SLA: variants seen among roughly 807,000 people sequenced by gnomAD.
The protein encoded by SLA is Src like adaptor.
A neutral mutation model predicts 30.3 loss-of-function variants in SLA; 16 were observed. The ratio of observed to expected loss-of-function variants is 0.53; its 90% CI spans 0.36 to 0.80. The LOEUF is 0.80. Among genes scored for constraint, SLA ranks in the 30% least tolerant of loss-of-function variants. The pLI, the probability that SLA is intolerant of heterozygous loss-of-function variation, is 0.01. For synonymous variants in SLA, 143 were observed against 137.8 expected, an observed-to-expected ratio of 1.04 and a Z score of -0.26; for missense variants, 310 against 345.2, an observed-to-expected ratio of 0.90 and a Z score of 0.81.
chr8:133,074,436 T>C (rs984535991), intron 2 of SLA, among the ~76,000 whole-genome samples: 1 of 152,196 alleles, frequency 6.6e-6, no homozygotes, highest in African/African-American at 2.4e-5. Flanking sequence ...CACTTTGCCC[T>C]ATACCTGTGT....
intron 1 of SLA, among the ~76,000 whole-genome samples, chr8:133,091,648 G>A (rs755895932): frequency 2.0e-5 from 3 of 151,944 alleles, no homozygotes; most frequent in Non-Finnish European, 4.4e-5. Flanking sequence ...GTATCTTTGA[G>A]TATGTGTCTA....
chr8:133,043,219 G>A (rs141222812), intron 7 of SLA, among the ~76,000 whole-genome samples: 62 of 152,224 alleles, frequency 4.1e-4, no homozygotes, highest in Non-Finnish European at 6.3e-4. Context: ...GTCAAGCAGC[G>A]GCAGTTAGAT....
chr8:133,051,471 C>T (rs538087639), intron 3 of SLA, among the ~76,000 whole-genome samples: 1 of 152,160 alleles, frequency 6.6e-6, no homozygotes, highest in South Asian at 2.1e-4. Flanking sequence ...GACCATGAGG[C>T]AGTAACTCTG....
intron 3 of SLA, among the ~76,000 whole-genome samples, chr8:133,054,830 G>A (rs781282764): frequency 2.7e-4 from 41 of 152,166 alleles, no homozygotes; most frequent in Non-Finnish European, 5.3e-4. Flanking sequence ...CAGGCCTTAC[G>A]GGACTTAGTC....
chr8:133,060,420 T>C (rs1842206283), intron 2 of SLA: 3 of 1,483,894 alleles, frequency 2.0e-6, no homozygotes, highest in Non-Finnish European at 2.7e-6. Context: ...GAGAGGGAAG[T>C]TGCTAGCAAA....
intron 2 of SLA, among the ~76,000 whole-genome samples, chr8:133,066,864 C>G (rs1473032065): frequency 6.6e-6 from 1 of 152,170 alleles, no homozygotes; most frequent in African/African-American, 2.4e-5. Context: ...AGCTAGATCC[C>G]GTGCAGGGGC....
intron 7 of SLA, among the ~76,000 whole-genome samples, chr8:133,044,545 A>G (rs1382174265): frequency 6.6e-6 from 1 of 152,196 alleles, no homozygotes; most frequent in African/African-American, 2.4e-5. Context: ...CAGCGAAGAC[A>G]GGTAGCCACT....
intron 3 of SLA, among the ~76,000 whole-genome samples, chr8:133,053,679 G>A (rs992467773): frequency 2.0e-5 from 3 of 152,188 alleles, no homozygotes; most frequent in Admixed American, 2.0e-4. Context: ...CAGAACAATT[G>A]TCTTTCCTAA....
At chr8:133,089,091 G>T (rs980474487) in intron 1 of SLA, among the ~76,000 whole-genome samples, 2 of 152,126 alleles carry the variant, frequency 1.3e-5, no homozygotes, top group African/African-American at 4.8e-5. Flanking sequence ...TCGGTGCGAG[G>T]GTGGAGACAT....
chr8:133,096,738 G>A (rs759915041), intron 1 of SLA, among the ~76,000 whole-genome samples: 1 of 152,218 alleles, frequency 6.6e-6, no homozygotes, highest in African/African-American at 2.4e-5. Context: ...GCAGGGAGAT[G>A]AAGGGACTCT....
rs972502824 is a variant in SLA, at chr8:133,037,634, G to C, written c.*890C>G. The C allele has an allele frequency of 6.8e-6, 1 of 147,004 alleles. No homozygotes were observed. Among genetic ancestry groups the C allele is most frequent in the Non-Finnish European group, 1.5e-5 (1 of 66,988 alleles). The allele number at this position is 147,004 out of a possible 1,614,324, so 9.1% of individuals were successfully genotyped here. ...ACCTCTGTTGGGGGTTAGGACTTAC[G>C]CATCTTTTTTTTTTTTTTGGCTTGC... On this transcript the variant is annotated 3_prime_UTR_variant, in exon 9 of 9. Transcript: ENST00000338087.
chr8:133,057,278 C>G (rs1262554457), intron 3 of SLA, among the ~76,000 whole-genome samples: 1 of 152,108 alleles, frequency 6.6e-6, no homozygotes, highest in East Asian at 1.9e-4. Flanking sequence ...GGAAATATGC[C>G]ATTTCCTGAC....
At chr8:133,102,002 A>T (rs2958672) in intron 1 of SLA, among the ~76,000 whole-genome samples, 33,971 of 152,236 alleles carry the variant, frequency 0.22, 4,302 homozygotes, top group South Asian at 0.3. Flanking sequence ...TGAAGTTGGG[A>T]GATGATTAGT....
intron 1 of SLA, among the ~76,000 whole-genome samples, chr8:133,101,366 G>C (rs1413505265): frequency 6.6e-6 from 1 of 152,178 alleles, no homozygotes; most frequent in Non-Finnish European, 1.5e-5. Flanking sequence ...CTCCCAACCT[G>C]AATTTAGAGT....
At chr8:133,069,035 C>T (rs1230963062) in intron 2 of SLA, among the ~76,000 whole-genome samples, 4 of 152,252 alleles carry the variant, frequency 2.6e-5, no homozygotes, top group Non-Finnish European at 1.5e-5. Context: ...TAATCCTAGC[C>T]ATTACATAGA....
intron 1 of SLA, among the ~76,000 whole-genome samples, chr8:133,090,812 A>T (rs1206981395): frequency 2.6e-5 from 4 of 152,170 alleles, no homozygotes; most frequent in Non-Finnish European, 5.9e-5. Context: ...GCTGGAATTA[A>T]AACCCCAGTC....
Position 133,075,061 on chromosome 8 carries a change from G to A in SLA, c.-249C>T, listed in dbSNP as rs1346706250. On this transcript the variant is annotated 5_prime_UTR_variant, in exon 2 of 9. Coordinates refer to ENST00000338087, the MANE Select transcript of SLA (RefSeq NM_001045556.3). The stretch of plus-strand genomic sequence containing the variant: ...ACTTCCTCTGCTAGGAACGAGGAAG[G>A]CACAGGGCTTGCAGAAGGGCAGGTT... 1 of 985,372 alleles carries A rather than the reference G, an allele frequency of 1.0e-6. No individual in the cohort carries two copies. Among genetic ancestry groups the A allele is most frequent in the Non-Finnish European group, 1.2e-6 (1 of 829,866 alleles). The allele number at this position is 985,372 out of a possible 1,614,324, so 61.0% of individuals were successfully genotyped here.
intron 7 of SLA, among the ~76,000 whole-genome samples, chr8:133,042,839 G>A (rs1043640853): frequency 1.8e-4 from 28 of 151,410 alleles, no homozygotes; most frequent in African/African-American, 6.6e-4. Context: ...GATTACAGGC[G>A]CCCACCACCA....
chr8:133,060,932 G>A (rs1024533579), intron 2 of SLA, among the ~76,000 whole-genome samples: 5 of 152,190 alleles, frequency 3.3e-5, no homozygotes, highest in Admixed American at 6.5e-5. Context: ...GCTCCATAAC[G>A]GTTTTCAAGT....
Sources: allele counts gnomAD v4.1 joint callset (sites outside exome capture counted in the v4.1 genomes callset), GRCh38; gene constraint gnomAD v4.1.1; transcripts MANE v1.5; gene names NCBI Gene and HGNC (gene_info 2026-07-23, HGNC 2026-07-21).